The following RNF150 variants were observed in gnomAD, a reference collection of about 807,000 sequenced individuals.
RNF150 encodes ring finger protein 150.
A neutral mutation model predicts 39.3 loss-of-function variants in RNF150; 24 were observed. The ratio of observed to expected loss-of-function variants is 0.61; its 90% CI spans 0.44 to 0.86. RNF150 has a LOEUF of 0.86. Ranked by LOEUF, RNF150 falls within the 40% of genes least tolerant of loss-of-function variation. The probability of loss-of-function intolerance (pLI) is 0.00; values close to 1 mark genes in which losing one functional copy is unlikely to be tolerated. For synonymous variants in RNF150, 255 were observed against 227.3 expected (o/e 1.12, Z -1.10); for missense variants, 502 against 587.8 (o/e 0.85, Z 1.51).
intron 1 of RNF150, among the ~76,000 whole-genome samples, chr4:141,035,914 C>T (rs1199086966): frequency 6.6e-6 from 1 of 152,026 alleles, no homozygotes; most frequent in Non-Finnish European, 1.5e-5. Flanking sequence ...CACGACATAA[C>T]ATGGCAGTCA....
chr4:140,947,782 T>G (rs1304837903), intron 3 of RNF150, 46 bp from the exon 4 acceptor site: 1 of 1,349,712 alleles, frequency 7.4e-7, no homozygotes, highest in South Asian at 1.4e-5. Flanking sequence ...TAGCTTCATC[T>G]CTTGTGTAAA....
chr4:141,070,210 C>A (rs1304299124), intron 1 of RNF150, among the ~76,000 whole-genome samples: 1 of 152,200 alleles, frequency 6.6e-6, no homozygotes, highest in South Asian at 2.1e-4. Flanking sequence ...CCCTTCCTTA[C>A]ACCTTATACA....
At chr4:141,131,441 T>C (rs1363346719) in intron 1 of RNF150, among the ~76,000 whole-genome samples, 10 of 152,328 alleles carry the variant, frequency 6.6e-5, no homozygotes, top group South Asian at 6.2e-4. Context: ...TATGGACTTA[T>C]GTTAACAAGC....
intron 1 of RNF150, among the ~76,000 whole-genome samples, chr4:141,198,738 T>A (rs1330171129): frequency 6.6e-6 from 1 of 152,218 alleles, no homozygotes; most frequent in Non-Finnish European, 1.5e-5. Context: ...ATTGCTCAGT[T>A]TGGGGCTAAG....
At chr4:141,072,182 A>G (rs1050296341) in intron 1 of RNF150, among the ~76,000 whole-genome samples, 4 of 152,170 alleles carry the variant, frequency 2.6e-5, no homozygotes, top group Admixed American at 2.0e-4. Flanking sequence ...ACCATGCAAC[A>G]GCATCACAAG....
intron 1 of RNF150, among the ~76,000 whole-genome samples, chr4:141,175,340 C>T (rs1043418830): frequency 1.3e-5 from 2 of 152,162 alleles, no homozygotes; most frequent in African/African-American, 2.4e-5. Flanking sequence ...AAAATAAAAA[C>T]AAGGTCCTTG....
chr4:141,111,456 C>T (rs1482692321), intron 1 of RNF150, among the ~76,000 whole-genome samples: 1 of 152,044 alleles, frequency 6.6e-6, no homozygotes, highest in Non-Finnish European at 1.5e-5. Flanking sequence ...GATTATAAAT[C>T]CATTAACCAT....
intron 1 of RNF150, among the ~76,000 whole-genome samples, chr4:141,094,739 C>G (rs1217731942): frequency 6.6e-6 from 1 of 152,216 alleles, no homozygotes; most frequent in Non-Finnish European, 1.5e-5. Context: ...CCCACAGACT[C>G]TCAGCAGAGA....
chr4:141,039,177 C>CATT (rs987964793), intron 1 of RNF150, among the ~76,000 whole-genome samples: 3 of 152,034 alleles, frequency 2.0e-5, no homozygotes, highest in African/African-American at 7.2e-5. Context: ...TATAAGAGGG[C>CATT]ATAAGAATTT....
At chr4:141,023,151 T>C (rs1355300220) in intron 1 of RNF150, among the ~76,000 whole-genome samples, 1 of 152,200 alleles carries the variant, frequency 6.6e-6, no homozygotes, top group African/African-American at 2.4e-5. Flanking sequence ...ACTCTAGCAC[T>C]GACCAATAAA....
intron 1 of RNF150, among the ~76,000 whole-genome samples, chr4:141,028,227 C>T (rs190135283): frequency 6.6e-6 from 1 of 152,178 alleles, no homozygotes; most frequent in Non-Finnish European, 1.5e-5. Context: ...TTGATGGGTT[C>T]ACATTTGGCA....
At chr4:140,871,789 GT>G (rs1422568970) in intron 6 of RNF150, among the ~76,000 whole-genome samples, 1 of 152,166 alleles carries the variant, frequency 6.6e-6, no homozygotes, top group African/African-American at 2.4e-5. Context: ...TCACACCTTG[GT>G]TTTTTCTAAA....
intron 1 of RNF150, among the ~76,000 whole-genome samples, chr4:141,118,233 A>AAATTGC (rs1183360090): frequency 1.3e-5 from 2 of 152,206 alleles, no homozygotes; most frequent in Admixed American, 1.3e-4. Context: ...GACAACAGTC[A>AAATTGC]CTGGCAGTTG....
At chr4:140,884,367 A>T (rs550054387) in intron 6 of RNF150, among the ~76,000 whole-genome samples, 1 of 152,092 alleles carries the variant, frequency 6.6e-6, no homozygotes, top group East Asian at 1.9e-4. Flanking sequence ...ACTCCTTTTC[A>T]TGCTTTGTTG....
intron 6 of RNF150, among the ~76,000 whole-genome samples, chr4:140,876,436 T>C (rs1474423133): frequency 6.6e-6 from 1 of 152,222 alleles, no homozygotes; most frequent in Non-Finnish European, 1.5e-5. Context: ...AGCAAGAATT[T>C]CTAAGGAGAT....
chr4:141,000,417 C>T (rs1316812794), intron 1 of RNF150, among the ~76,000 whole-genome samples: 1 of 152,124 alleles, frequency 6.6e-6, no homozygotes, highest in Middle Eastern at 3.2e-3. Flanking sequence ...GAATCTAGAA[C>T]TCTGAATGAA....
chr4:141,190,990 A>T (rs1216349188), intron 1 of RNF150, among the ~76,000 whole-genome samples: 1 of 152,156 alleles, frequency 6.6e-6, no homozygotes, highest in Admixed American at 6.5e-5. Context: ...AGCTCCATGA[A>T]GAACATTTCA....
At chr4:141,006,215 T>G (rs1236839480) in intron 1 of RNF150, among the ~76,000 whole-genome samples, 2 of 41,636 alleles carry the variant, frequency 4.8e-5, no homozygotes, top group African/African-American at 8.5e-5. Flanking sequence ...TACACACATA[T>G]ATATACACAT....
intron 1 of RNF150, among the ~76,000 whole-genome samples, chr4:141,002,832 T>G (rs1019227983): frequency 6.6e-6 from 1 of 151,778 alleles, no homozygotes; most frequent in Non-Finnish European, 1.5e-5. Flanking sequence ...AGCCATTGTT[T>G]TCCCAATAAT....
Sources: gnomAD v4.1 joint callset for allele counts (sites outside exome capture counted in the v4.1 genomes callset) on GRCh38, gnomAD v4.1.1 for gene constraint, MANE v1.5 for transcripts, NCBI Gene and HGNC (gene_info 2026-07-23, HGNC 2026-07-21) for gene names.